The following NTM variants were observed in gnomAD, a reference collection of about 807,000 sequenced individuals.
NTM encodes the protein neurotrimin, also known as IgLON family member 2.
NTM carries 13 observed loss-of-function variants against 42.1 expected under a neutral mutation model. The observed-to-expected ratio is 0.31, with a 90% confidence interval of 0.20 to 0.49. NTM has a LOEUF of 0.49. Among genes scored for constraint, NTM ranks in the 20% least tolerant of loss-of-function variants. The pLI, the probability that NTM is intolerant of heterozygous loss-of-function variation, is 0.99. For missense variants in NTM, 373 were observed against 452.8 expected (o/e 0.82, Z 1.60); for synonymous variants, 187 against 179.2 (o/e 1.04, Z -0.35).
At chr11:132,005,080 A>G (rs2070457671) in intron 2 of NTM, among the ~76,000 whole-genome samples, 1 of 152,162 alleles carries the variant, frequency 6.6e-6, no homozygotes, top group Non-Finnish European at 1.5e-5. Flanking sequence ...GTAAAGGGGC[A>G]GAGGATGGCA....
At chr11:132,208,475 C>A (rs1391127673) in intron 3 of NTM, among the ~76,000 whole-genome samples, 1 of 152,246 alleles carries the variant, frequency 6.6e-6, no homozygotes, top group Non-Finnish European at 1.5e-5. Context: ...CACTTCTCAA[C>A]TTCTACCTCA....
intron 4 of NTM, among the ~76,000 whole-genome samples, chr11:132,254,816 G>A (rs560430792): frequency 5.5e-4 from 83 of 152,196 alleles, no homozygotes; most frequent in African/African-American, 1.9e-3. Flanking sequence ...CTCCAGCCTG[G>A]GGTTCTCATT....
At chr11:131,607,889 GTT>G (rs34341331) in intron 1 of NTM, among the ~76,000 whole-genome samples, 6,831 of 149,894 alleles carry the variant, frequency 0.046, 532 homozygotes, top group African/African-American at 0.16. Context: ...GGTTTTTTGT[GTT>G]TTTTTTTTGT....
intron 3 of NTM, among the ~76,000 whole-genome samples, chr11:132,208,531 A>T (rs975594010): frequency 6.6e-6 from 1 of 152,164 alleles, no homozygotes; most frequent in African/African-American, 2.4e-5. Flanking sequence ...ACAATTCTAG[A>T]TGATTCTTCC....
chr11:132,255,562 G>A (rs1049894260), intron 4 of NTM, among the ~76,000 whole-genome samples: 4 of 152,210 alleles, frequency 2.6e-5, no homozygotes, highest in African/African-American at 4.8e-5. Context: ...TCACCTTTCA[G>A]AATGAAGCTC....
intron 1 of NTM, among the ~76,000 whole-genome samples, chr11:131,570,654 C>T (rs1425110733): frequency 1.3e-5 from 2 of 152,086 alleles, no homozygotes; most frequent in Non-Finnish European, 2.9e-5. Flanking sequence ...GAAACCTCGT[C>T]TCTAATAAAA....
rs149077284 is a variant in NTM, at chr11:131,603,612, A to G, written c.82+232724A>G. Among the ~76,000 whole-genome samples, 783 of 152,274 alleles carry G rather than the reference A, an allele frequency of 5.1e-3. 22 individuals carry two copies. Among genetic ancestry groups the G allele is most frequent in the Admixed American group, 0.041 (623 of 15,288 alleles). On this transcript the variant is annotated intron_variant, in intron 1 of 8. Coordinates refer to ENST00000683400, the MANE Select transcript of NTM (RefSeq NM_001352005.2). The stretch of plus-strand genomic sequence containing the variant: ...AGTATATTGACAGAGTTGTGCACCT[A>G]TAACCACAGTTAATTCTAAAACATT...
intron 1 of NTM, among the ~76,000 whole-genome samples, chr11:131,798,773 T>G (rs2091850366): frequency 6.6e-6 from 1 of 152,224 alleles, no homozygotes; most frequent in Non-Finnish European, 1.5e-5. Context: ...ATTTAAGATG[T>G]CTGCAACCTC....
intron 1 of NTM, among the ~76,000 whole-genome samples, chr11:131,606,678 A>G (rs1014764858): frequency 6.6e-6 from 1 of 152,214 alleles, no homozygotes; most frequent in South Asian, 2.1e-4. Flanking sequence ...CTCACACCCC[A>G]CCTGACATCA....
chr11:132,217,465 C>G (rs2084134654), intron 4 of NTM, among the ~76,000 whole-genome samples: 1 of 151,484 alleles, frequency 6.6e-6, no homozygotes, highest in Non-Finnish European at 1.5e-5. Flanking sequence ...CCTTCTTTCT[C>G]TCTGCCTCCT....
At chr11:132,311,332 G>A (rs1014442951) in intron 6 of NTM, among the ~76,000 whole-genome samples, 2 of 152,068 alleles carry the variant, frequency 1.3e-5, no homozygotes, top group African/African-American at 4.8e-5. Context: ...CAAATGAAAA[G>A]CAGTGTTTTG....
intron 1 of NTM, among the ~76,000 whole-genome samples, chr11:131,845,765 AT>A (rs2044826370): frequency 6.6e-6 from 1 of 152,064 alleles, no homozygotes. Flanking sequence ...TTTTAAAAAA[AT>A]AAAAGAAAAA....
intron 1 of NTM, among the ~76,000 whole-genome samples, chr11:131,781,558 C>A (rs540658129): frequency 1.3e-5 from 2 of 152,156 alleles, no homozygotes; most frequent in African/African-American, 4.8e-5. Flanking sequence ...AAGTAATATA[C>A]TGTTGAATTA....
intron 7 of NTM, among the ~76,000 whole-genome samples, chr11:132,326,084 G>A (rs1165483929): frequency 6.6e-6 from 1 of 152,022 alleles, no homozygotes; most frequent in Non-Finnish European, 1.5e-5. Flanking sequence ...GAGTTAATGG[G>A]TGCAGCACAC....
At chr11:131,516,333 T>C (rs544768009) in intron 1 of NTM, among the ~76,000 whole-genome samples, 2 of 152,378 alleles carry the variant, frequency 1.3e-5, no homozygotes, top group African/African-American at 4.8e-5. Flanking sequence ...TTCAGTCTTC[T>C]GAATCTCAAG....
intron 1 of NTM, among the ~76,000 whole-genome samples, chr11:131,440,957 G>C (rs1267325117): frequency 6.8e-6 from 1 of 147,764 alleles, no homozygotes; most frequent in African/African-American, 2.5e-5. Flanking sequence ...TGCTGAATCA[G>C]TTACCATTCA....
chr11:131,410,329 T>A (rs1946241699), intron 1 of NTM, among the ~76,000 whole-genome samples: 1 of 151,586 alleles, frequency 6.6e-6, no homozygotes, highest in Non-Finnish European at 1.5e-5. Context: ...AATAAATAAA[T>A]TAATAAATTA....
At chr11:131,397,704 G>A (rs1386884346) in intron 1 of NTM, among the ~76,000 whole-genome samples, 1 of 152,106 alleles carries the variant, frequency 6.6e-6, no homozygotes, top group Admixed American at 6.5e-5. Flanking sequence ...GTTCCCTTCG[G>A]CATCAGGATG....
chr11:131,527,295 C>T (rs967829080), intron 1 of NTM, among the ~76,000 whole-genome samples: 1 of 152,154 alleles, frequency 6.6e-6, no homozygotes, highest in South Asian at 2.1e-4. Context: ...TTTATTCCCC[C>T]ACCCCTGGGG....
Sources: gnomAD v4.1 joint callset for allele counts (sites outside exome capture counted in the v4.1 genomes callset) on GRCh38, gnomAD v4.1.1 for gene constraint, MANE v1.5 for transcripts, NCBI Gene and HGNC (gene_info 2026-07-23, HGNC 2026-07-21) for gene names.